The following CDH13 variants were observed in gnomAD, a reference collection of about 807,000 sequenced individuals.
CDH13 encodes cadherin 13, also known as cadherin-13.
In CDH13, 24 loss-of-function variants were observed where a neutral mutation model predicts 63.8. That is an observed-to-expected ratio of 0.38 (90% CI 0.27 to 0.53). The LOEUF (loss-of-function observed/expected upper bound fraction) is 0.53, where lower values mean the gene tolerates loss of function less well. Ranked by LOEUF, CDH13 falls within the 20% of genes least tolerant of loss-of-function variation. The pLI, the probability that CDH13 is intolerant of heterozygous loss-of-function variation, is 0.85. For missense variants in CDH13, 1,049 were observed against 903.1 expected, an observed-to-expected ratio of 1.16 and a Z score of -2.07; for synonymous variants, 503 against 355.3, an observed-to-expected ratio of 1.42 and a Z score of -4.67.
chr16:83,041,297 C>A lies in CDH13; in HGVS notation c.366+9079C>A, dbSNP rs531002601. ...GAAGCTGAAAAGGCTAAATTTAAGGCTCGTTTATCATGCTTGTTCATCATC... is the reference window on the plus strand; with the variant it reads ...GAAGCTGAAAAGGCTAAATTTAAGGATCGTTTATCATGCTTGTTCATCATC... On this transcript the variant is annotated intron_variant, in intron 3 of 13. Transcript: ENST00000567109. Among the ~76,000 whole-genome samples, 9 of 152,094 alleles carry A rather than the reference C, an allele frequency of 5.9e-5. No individual in the cohort carries two copies. In the South Asian group the frequency reaches 1.9e-3, roughly 32 times the overall value.
intron 1 of CDH13, chr16:82,823,444 T>G (rs1305944330): frequency 1.3e-5 from 2 of 152,120 alleles, no homozygotes; most frequent in Non-Finnish European, 2.9e-5. Context: ...TTTCATGAAT[T>G]TGAAAACAAA....
chr16:83,153,359 C>T (rs2037071621), intron 4 of CDH13, among the ~76,000 whole-genome samples: 1 of 152,046 alleles, frequency 6.6e-6, no homozygotes, highest in Non-Finnish European at 1.5e-5. Flanking sequence ...GCAGAGTCTG[C>T]ACAACACCTC....
intron 2 of CDH13, among the ~76,000 whole-genome samples, chr16:83,014,758 A>G (rs1177810467): frequency 1.9e-5 from 1 of 51,912 alleles, no homozygotes; most frequent in East Asian, 5.3e-4. Context: ...ATATATATAT[A>G]TATATATATA....
chr16:83,326,407 T>G (rs1360735537), intron 5 of CDH13, among the ~76,000 whole-genome samples: 1 of 151,612 alleles, frequency 6.6e-6, no homozygotes, highest in African/African-American at 2.4e-5. Context: ...TTCACTACCA[T>G]GGACACCACA....
In CDH13 at chr16:83,211,717, G is replaced by C. The variant is rs534825918; in HGVS notation, c.484-5628G>C. Among the ~76,000 whole-genome samples the C allele has an allele frequency of 2.0e-5, 3 of 152,042 alleles. No individual in the cohort carries two copies. In the South Asian group the frequency reaches 6.2e-4, roughly 32 times the overall value. On this transcript the variant is annotated intron_variant, in intron 4 of 13. Transcript: ENST00000567109. The stretch of plus-strand genomic sequence containing the variant: ...GCCTCAGTACTCCCTGCCCCTGCCC[G>C]GATGCAGAAGACACTGGTCCCAGCT...
intron 7 of CDH13, among the ~76,000 whole-genome samples, chr16:83,494,432 G>C (rs1344564915): frequency 6.6e-6 from 1 of 152,136 alleles, no homozygotes; most frequent in African/African-American, 2.4e-5. Flanking sequence ...CTAAATTCCT[G>C]TTGTCAGTGA....
chr16:83,602,512 A>T lies in CDH13; in HGVS notation c.1019A>T (p.Asp340Val). ...GAGGCTCAAGATATGGCTGGACTGG[A>T]TGTTGGATTAACAGGCACGGCCACA... ...IIEAQDMAGL[D>V]VGLTGTATAT... The change falls in exon 8 of 14, where the codon GAT becomes GTT. Residue 340 changes from aspartate (D) to valine (V), a missense_variant. By Grantham distance (152) the Asp-to-Val change is radical. Transcript: ENST00000567109. 1 of 1,613,938 alleles carries T rather than the reference A, an allele frequency of 6.2e-7. No individual in the cohort carries two copies. Among genetic ancestry groups the T allele is most frequent in the Non-Finnish European group, 8.5e-7 (1 of 1,179,830 alleles).
At chr16:83,030,946 A>G (rs965401595) in intron 2 of CDH13, among the ~76,000 whole-genome samples, 1 of 151,886 alleles carries the variant, frequency 6.6e-6, no homozygotes, top group South Asian at 2.1e-4. Flanking sequence ...TTCCATATGG[A>G]CTGAGCATGA....
chr16:83,508,947 G>A (rs1384889878), intron 7 of CDH13, among the ~76,000 whole-genome samples: 1 of 150,852 alleles, frequency 6.6e-6, no homozygotes, highest in African/African-American at 2.4e-5. Context: ...ACCTGGAGTT[G>A]AGAATTTATG....
chr16:83,503,874 T>C (rs945189902), intron 7 of CDH13, among the ~76,000 whole-genome samples: 1 of 152,116 alleles, frequency 6.6e-6, no homozygotes, highest in South Asian at 2.1e-4. Flanking sequence ...TTTCTTTTGC[T>C]GTGCAGAAGC....
At chr16:83,702,177 A>G (rs1194083237) in intron 10 of CDH13, among the ~76,000 whole-genome samples, 1 of 152,224 alleles carries the variant, frequency 6.6e-6, no homozygotes, top group Non-Finnish European at 1.5e-5. Flanking sequence ...GACGTATTCC[A>G]GAGGCTTGGA....
At chr16:82,871,514 G>A (rs1436498222) in intron 2 of CDH13, among the ~76,000 whole-genome samples, 7 of 152,164 alleles carry the variant, frequency 4.6e-5, no homozygotes, top group Admixed American at 2.0e-4. Flanking sequence ...GAGGTTTTCC[G>A]AAAGAGAAGC....
intron 3 of CDH13, among the ~76,000 whole-genome samples, chr16:83,102,784 G>T (rs548811092): frequency 6.6e-6 from 1 of 151,974 alleles, no homozygotes; most frequent in African/African-American, 2.4e-5. Flanking sequence ...GGGTAAGAGG[G>T]TAAGAAATAG....
intron 7 of CDH13, among the ~76,000 whole-genome samples, chr16:83,574,135 T>A (rs974311295): frequency 3.3e-5 from 5 of 152,092 alleles, no homozygotes; most frequent in African/African-American, 9.7e-5. Context: ...GAGGTTCAGA[T>A]GAGAGAGATA....
intron 2 of CDH13, among the ~76,000 whole-genome samples, chr16:82,992,715 CT>C (rs1282938577): frequency 6.6e-6 from 1 of 152,114 alleles, no homozygotes; most frequent in Admixed American, 6.5e-5. Flanking sequence ...AAAAAAGTTA[CT>C]ATGTGGTTCT....
intron 2 of CDH13, chr16:82,925,892 C>G (rs926084509): frequency 2.0e-5 from 3 of 152,040 alleles, no homozygotes. Flanking sequence ...TTGGAACATT[C>G]TGTCTACAAA....
chr16:82,925,092 C>T (rs1198784277), intron 2 of CDH13, among the ~76,000 whole-genome samples: 1 of 152,162 alleles, frequency 6.6e-6, no homozygotes, highest in Admixed American at 6.5e-5. Flanking sequence ...CCATGAAATG[C>T]CAGACTTCAT....
chr16:82,677,110 T>TTGACCTCA (rs1914016802), intron 1 of CDH13, among the ~76,000 whole-genome samples: 1 of 152,210 alleles, frequency 6.6e-6, no homozygotes, highest in Admixed American at 6.5e-5. Context: ...TCTTGATCTC[T>TTGACCTCA]TGACCTCATG....
chr16:83,024,992 T>A (rs1915667965), intron 2 of CDH13, among the ~76,000 whole-genome samples: 1 of 152,154 alleles, frequency 6.6e-6, no homozygotes, highest in Admixed American at 6.5e-5. Context: ...GGCAACAGCC[T>A]GAGACTAGCA....
Sources: allele counts gnomAD v4.1 joint callset (sites outside exome capture counted in the v4.1 genomes callset), GRCh38; gene constraint gnomAD v4.1.1; transcripts MANE v1.5; gene names NCBI Gene and HGNC (gene_info 2026-07-23, HGNC 2026-07-21).